The following NDUFB8 variants were observed in gnomAD, a reference collection of about 807,000 sequenced individuals.
NDUFB8 encodes NADH dehydrogenase [ubiquinone] 1 beta subcomplex subunit 8, mitochondrial.
A neutral mutation model predicts 26.0 loss-of-function variants in NDUFB8; 17 were observed. The observed-to-expected ratio is 0.65, with a 90% confidence interval of 0.45 to 0.98. The LOEUF is 0.98. Among genes scored for constraint, NDUFB8 ranks in the 50% least tolerant of loss-of-function variants. The probability of loss-of-function intolerance (pLI) is 0.00; values close to 1 mark genes in which losing one functional copy is unlikely to be tolerated. For synonymous variants in NDUFB8, 89 were observed against 93.1 expected (o/e 0.96, Z 0.25); for missense variants, 238 against 255.0 (o/e 0.93, Z 0.45).
rs1852008736 is a variant in NDUFB8, at chr10:100,524,301, G to A, written c.469-372C>T. 6.6e-6 allele frequency among the ~76,000 whole-genome samples: 1 copy of A among 151,784 alleles called. No individual in the cohort carries two copies. Among genetic ancestry groups the A allele is most frequent in the Non-Finnish European group, 1.5e-5 (1 of 67,928 alleles). On this transcript the variant is annotated intron_variant, in intron 4 of 4. Transcript: ENST00000299166. This position sits in a 1 kb window ranked among gnomAD's most constrained non-coding sequence, Gnocchi z 4.0. ...ATCCATCCATCCCACTCTCTCTCGG[G>A]GTCGAGACAGACTCAATCTCCTTTA...
At chr10:100,526,006 ATATACTACAGGAC>A in intron 4 of NDUFB8, 1 of 162,856 alleles carries the variant, frequency 6.1e-6, no homozygotes, top group Middle Eastern at 2.9e-3. Flanking sequence ...ATTGCTTCCA[ATATACTACAGGAC>A]GTGCCCTTCA....
In NDUFB8 at chr10:100,524,204, C is replaced by G; in HGVS notation, c.469-275G>C. The G allele has an allele frequency of 7.2e-7, 1 of 1,381,348 alleles. No homozygotes were observed. Among genetic ancestry groups the G allele is most frequent in the Non-Finnish European group, 1.0e-6 (1 of 992,966 alleles). 85.6% of individuals were successfully genotyped at this position (1,381,348 alleles called of 1,614,324 possible). A position where few individuals can be genotyped will look rare whatever the true frequency, so the allele number is the denominator to read the frequency against. On this transcript the variant is annotated intron_variant, in intron 4 of 4. Coordinates refer to ENST00000299166, the MANE Select transcript of NDUFB8 (RefSeq NM_005004.4). The surrounding 1 kb of genome is among the most constrained non-coding windows in gnomAD (Gnocchi z 4.0). ...GGGAAAGGAGGGGAAGGGAGGAAGA[C>G]AGGGAGGGAGGTAAAGAAAGAGAGA...
Position 100,526,408 on chromosome 10 carries a change from G to A in NDUFB8, c.459C>T (p.Tyr153=), listed in dbSNP as rs1476769829. 1.9e-6 allele frequency: 3 copies of A among 1,599,004 alleles called. No homozygotes were observed. The highest frequency in any genetic ancestry group is 1.8e-5 in the Admixed American group (1 of 54,588). ...MCWVGDVYPV[Y]QPVGPKQYPY... ...CTTCTCGGATACTCACCACAGGCTGGTAGACAGGGTACACGTCCCCCACCC... is the reference window on the plus strand; with the variant it reads ...CTTCTCGGATACTCACCACAGGCTGATAGACAGGGTACACGTCCCCCACCC... Residue 153 remains tyrosine, a synonymous_variant, in exon 4 of 5, where the codon TAC becomes TAT. Transcript: ENST00000299166.
At chr10:100,525,649 TGTG>T (rs1329733720) in intron 4 of NDUFB8, among the ~76,000 whole-genome samples, 1 of 138,198 alleles carries the variant, frequency 7.2e-6, no homozygotes, top group Admixed American at 7.2e-5. Flanking sequence ...TGTGTGTGTG[TGTG>T]TGTGTGTGTG....
In NDUFB8 at chr10:100,524,271, G is replaced by A. The variant is rs1005364613; in HGVS notation, c.469-342C>T. The A allele has an allele frequency of 2.0e-5, 16 of 784,708 alleles. 1 individual carries two copies. The highest frequency in any genetic ancestry group is 1.6e-4 in the South Asian group (10 of 61,624). 48.6% of individuals were successfully genotyped at this position (784,708 alleles called of 1,614,324 possible). On this transcript the variant is annotated intron_variant, in intron 4 of 4. Transcript: ENST00000299166. The surrounding 1 kb of genome is among the most constrained non-coding windows in gnomAD (Gnocchi z 4.0). Reference sequence around the variant, plus strand: ...AGAGGCAACACTTTCTAAATGAGACGATGCATCCATCCATCCCACTCTCTC... The same window carrying A: ...AGAGGCAACACTTTCTAAATGAGACAATGCATCCATCCATCCCACTCTCTC...
At chr10:100,527,307 A>G (rs918445893) in intron 2 of NDUFB8, among the ~76,000 whole-genome samples, 8 of 152,252 alleles carry the variant, frequency 5.3e-5, no homozygotes, top group Non-Finnish European at 8.8e-5. Flanking sequence ...TTTAATGTAC[A>G]TAAGCCTTCC....
chr10:100,526,387 T>C lies in NDUFB8; in HGVS notation c.468+12A>G. On this transcript the variant is annotated intron_variant, in intron 4 of 4. Coordinates refer to ENST00000299166, the MANE Select transcript of NDUFB8 (RefSeq NM_005004.4). Reference sequence around the variant, plus strand: ...GCAAGCGTGCCTAAGGGAGCACTTCTCGGATACTCACCACAGGCTGGTAGA... The same window carrying C: ...GCAAGCGTGCCTAAGGGAGCACTTCCCGGATACTCACCACAGGCTGGTAGA... The C allele has an allele frequency of 6.3e-7, 1 of 1,581,704 alleles. No individual in the cohort carries two copies.
rs552335920 is a variant in NDUFB8 at position 100,524,175 on chromosome 10, G to C, written c.469-246C>G. Reference sequence around the variant, plus strand: ...GAAGGAGAAAGGGGGAGGGAAGGGGGTTAGGGAAAGGAGGGGAAGGGAGGA... The same window carrying C: ...GAAGGAGAAAGGGGGAGGGAAGGGGCTTAGGGAAAGGAGGGGAAGGGAGGA... On this transcript the variant is annotated intron_variant, in intron 4 of 4. Coordinates refer to ENST00000299166, the MANE Select transcript of NDUFB8 (RefSeq NM_005004.4). This position sits in a 1 kb window ranked among gnomAD's most constrained non-coding sequence, Gnocchi z 4.0. The C allele has an allele frequency of 7.4e-6, 11 of 1,480,956 alleles. No individual in the cohort carries two copies. The highest frequency in any genetic ancestry group is 3.8e-5 in the Admixed American group (2 of 52,156). 91.7% of individuals were successfully genotyped at this position (1,480,956 alleles called of 1,614,324 possible).
chr10:100,528,729 G>A (rs1248465090), intron 2 of NDUFB8, among the ~76,000 whole-genome samples: 1 of 152,172 alleles, frequency 6.6e-6, no homozygotes, highest in Non-Finnish European at 1.5e-5. Flanking sequence ...AAGAATAGAA[G>A]TTGCTGAAAC....
In NDUFB8 at chr10:100,523,911, A is replaced by G. The variant is rs1851999641; in HGVS notation, c.487T>C (p.Tyr163His). ...CCTCGTTCCAGGTACAGATTATTGT[A>G]AGGATACTGCTTTGGTCCCTACAGA... ...YQPVGPKQYP[Y>H]NNLYLERGGD... The change falls in exon 5 of 5, where the codon TAC becomes CAC. Residue 163 changes from tyrosine to histidine, a missense_variant. Physicochemically the swap from Tyr to His is moderately conservative, Grantham distance 83 (BLOSUM62 2). Transcript: ENST00000299166. The G allele has an allele frequency of 6.2e-7, 1 of 1,614,192 alleles. No individual in the cohort carries two copies. Among genetic ancestry groups the G allele is most frequent in the Non-Finnish European group, 8.5e-7 (1 of 1,180,046 alleles).
chr10:100,529,632 A>G (rs1038419754), intron 1 of NDUFB8, 126 bp from the exon 2 acceptor site: 4 of 1,541,878 alleles, frequency 2.6e-6, no homozygotes, highest in East Asian at 4.6e-5. Context: ...CCTCCACCCC[A>G]TTTTCTGGAT....
upstream of NDUFB8, chr10:100,529,891 G>T (rs1239183047): frequency 2.2e-5 from 35 of 1,597,224 alleles, no homozygotes; most frequent in Non-Finnish European, 2.6e-5. Context: ...CATGCGCAAA[G>T]GCCTGTCACG....
In NDUFB8 at chr10:100,529,502, G is replaced by A. The variant is rs1197973446; in HGVS notation, c.90C>T (p.Ser30=). Residue 30 remains serine (S), a synonymous_variant, in exon 2 of 5, where the codon TCC becomes TCT. Transcript: ENST00000299166. Reference sequence around the variant, plus strand: ...CCGGGAACATGTCCTTGGTCATGTGGGAGGCTAGAACGCAGAAGAGAACAG... The same window carrying A: ...CCGGGAACATGTCCTTGGTCATGTGAGAGGCTAGAACGCAGAAGAGAACAG... ...NVMPLGARTA[S]HMTKDMFPGP... is the part of the protein sequence containing the mutation. 1.2e-6 allele frequency: 2 copies of A among 1,611,786 alleles called. No individual in the cohort carries two copies. The highest frequency in any genetic ancestry group is 1.7e-6 in the Non-Finnish European group (2 of 1,179,450).
chr10:100,529,486 T>C lies in NDUFB8; in HGVS notation c.106A>G (p.Met36Val), dbSNP rs765127094. The change falls in exon 2 of 5, where the codon ATG (methionine) becomes GTG (valine). Residue 36 changes from methionine (M) to valine (V), a missense_variant. Transcript: ENST00000299166. ...GTCCTAGGATAGGGCCCCGGGAACA[T>C]GTCCTTGGTCATGTGGGAGGCTAGA... ...ARTASHMTKD[M>V]FPGPYPRTPE... The C allele has an allele frequency of 5.6e-6, 9 of 1,612,100 alleles. 1 individual carries two copies. In the South Asian group the frequency reaches 8.8e-5, roughly 16 times the overall value.
chr10:100,523,970 T>G, intron 4 of NDUFB8, 41 bp from the exon 5 acceptor site: 1 of 1,613,428 alleles, frequency 6.2e-7, no homozygotes, highest in Non-Finnish European at 8.5e-7. Context: ...ATACATTCAG[T>G]CAATACCTGG....
Position 100,523,859 on chromosome 10 carries a change from C to T in NDUFB8, c.539G>A (p.Arg180Gln), listed in dbSNP as rs769449155. 1.2e-5 allele frequency: 20 copies of T among 1,614,026 alleles called. No homozygotes were observed. The highest frequency in any genetic ancestry group is 1.0e-4 in the Admixed American group (6 of 60,002). The change falls in exon 5 of 5, where the codon CGG becomes CAG. Residue 180 changes from arginine to glutamine, a missense_variant. Physicochemically the swap from Arg to Gln is conservative, Grantham distance 43. Coordinates refer to ENST00000299166, the MANE Select transcript of NDUFB8 (RefSeq NM_005004.4). ...RGGDPSKEPE[R>Q]VVHYEI ...TCCTCAGATCTCATAGTGAACCACCCGCTCTGGTTCTTTGGAGGGATCACC... is the reference window on the plus strand; with the variant it reads ...TCCTCAGATCTCATAGTGAACCACCTGCTCTGGTTCTTTGGAGGGATCACC...
At chr10:100,526,754 G>A in intron 3 of NDUFB8, 200 bp from the exon 4 acceptor site, 1 of 746,444 alleles carries the variant, frequency 1.3e-6, no homozygotes. Context: ...AATAGGGACA[G>A]CTCCATCATG....
At chr10:100,528,285 T>C (rs1393487892) in intron 2 of NDUFB8, among the ~76,000 whole-genome samples, 2 of 152,184 alleles carry the variant, frequency 1.3e-5, no homozygotes, top group Admixed American at 6.5e-5. Context: ...TAGCAGGCCA[T>C]ACCATCTAGG....
chr10:100,529,348 A>C, intron 2 of NDUFB8, 32 bp downstream of exon 2: 1 of 1,558,640 alleles, frequency 6.4e-7, no homozygotes, highest in East Asian at 2.4e-5. Flanking sequence ...TCCCATCACT[A>C]CTTGGGTGCG....
Sources: allele counts gnomAD v4.1 joint callset (sites outside exome capture counted in the v4.1 genomes callset), GRCh38; gene constraint gnomAD v4.1.1; non-coding constraint Gnocchi (gnomAD v3.1); transcripts MANE v1.5; gene names NCBI Gene and HGNC (gene_info 2026-07-23, HGNC 2026-07-21).